The following BEND2 variants were observed in gnomAD, a reference collection of about 807,000 sequenced individuals.
BEND2 encodes BEN domain-containing protein 2.
In BEND2, 19 loss-of-function variants were observed where a neutral mutation model predicts 43.8. That is an observed-to-expected ratio of 0.43 (90% confidence interval 0.30 to 0.64). The LOEUF is 0.64. Ranked by LOEUF, BEND2 falls within the 30% of genes least tolerant of loss-of-function variation. The pLI is 0.11. For missense variants in BEND2, 544 were observed against 574.0 expected, an observed-to-expected ratio of 0.95 and a Z score of 0.53; for synonymous variants, 226 against 210.1, an observed-to-expected ratio of 1.08 and a Z score of -0.66.
intron 8 of BEND2, among the ~76,000 whole-genome samples, chrX:18,182,776 T>C (rs779007029): frequency 9.0e-6 from 1 of 111,087 alleles, no homozygotes; most frequent in Non-Finnish European, 1.9e-5. Flanking sequence ...ACGGGGGGCT[T>C]ATGCCTGTAA....
Position 18,180,590 on chromosome X carries a change from G to C in BEND2, c.1349C>G (p.Thr450Arg), listed in dbSNP as rs773956794. The C allele has an allele frequency of 8.3e-7, 1 of 1,210,950 alleles. No homozygotes were observed. The highest frequency in any genetic ancestry group is 2.2e-5 in the Admixed American group (1 of 46,011). ...GTCCAATAAAGTTGAGCGATTCATT[G>C]TGTTGACGCTGTTTTCCGTGTTGGT... ...VDTNTENSVN[T>R]MNRSTLLDSD... The change falls in exon 9 of 14, where the codon ACA becomes AGA. Residue 450 changes from threonine to arginine, a missense_variant. By Grantham distance (71) the Thr-to-Arg change is moderately conservative. This residue lies in a region of BEND2 where 501 missense variants were observed against 501.6 expected (regional missense o/e 1.00). Transcript: ENST00000380033.
intron 4 of BEND2, among the ~76,000 whole-genome samples, chrX:18,204,324 C>T (rs1453867307): frequency 1.8e-5 from 2 of 111,964 alleles, no homozygotes; most frequent in African/African-American, 6.5e-5. Context: ...AAAAGCCTTG[C>T]TAATCTCAGA....
chrX:18,166,383 C>T (rs1352674831), intron 13 of BEND2, among the ~76,000 whole-genome samples: 1 of 111,707 alleles, frequency 9.0e-6, no homozygotes, highest in African/African-American at 3.3e-5. Flanking sequence ...ATGGGAAATG[C>T]TACCCTCCGC....
At chrX:18,203,286 A>G (rs975776241) in intron 5 of BEND2, among the ~76,000 whole-genome samples, 1 of 111,697 alleles carries the variant, frequency 9.0e-6, no homozygotes, top group Non-Finnish European at 1.9e-5. Context: ...AGACACACAA[A>G]TGAATACAAA....
intron 6 of BEND2, among the ~76,000 whole-genome samples, chrX:18,197,203 G>T (rs1924982754): frequency 8.9e-6 from 1 of 112,080 alleles, no homozygotes; most frequent in Non-Finnish European, 1.9e-5. Context: ...GGGAGGCCAA[G>T]GAGGGTAGAT....
chrX:18,220,346 A>G (rs1759416220), intron 1 of BEND2, among the ~76,000 whole-genome samples: 1 of 112,429 alleles, frequency 8.9e-6, no homozygotes, highest in African/African-American at 3.2e-5. Context: ...GAGGCTCCGG[A>G]AAGAACCGCG....
chrX:18,203,421 C>G lies in BEND2; in HGVS notation c.907+80G>C, dbSNP rs1400371885. ...ATAAAACTTTTAATTTAAAAAATAA[C>G]TAACACTAATTTGCATGAAGGGTGT... On this transcript the variant is annotated intron_variant, in intron 5 of 13. Transcript: ENST00000380033. 4.0e-6 allele frequency: 4 copies of G among 1,010,949 alleles called. No homozygotes were observed. In the African/African-American group the frequency reaches 5.8e-5, roughly 15 times the overall value. The allele number at this position is 1,010,949 out of a possible 1,213,427, so 83.3% of individuals were successfully genotyped here. A position where few individuals can be genotyped will look rare whatever the true frequency, so the allele number is the denominator to read the frequency against.
intron 2 of BEND2, among the ~76,000 whole-genome samples, chrX:18,214,595 G>A (rs1602055574): frequency 9.1e-6 from 1 of 109,667 alleles, no homozygotes; most frequent in African/African-American, 3.3e-5. Flanking sequence ...GGGCTGAGGC[G>A]GGCGGATCAC....
chrX:18,207,584 T>TG lies in BEND2; in HGVS notation c.493-3670dup, dbSNP rs1310981025. ...ATTTGATCAGTTATGGGCTTTTTTG[T>TG]GAAAAAAAAAGGGGCTATAGAAATT... On this transcript the variant is annotated intron_variant, in intron 4 of 13. Coordinates refer to ENST00000380033, the MANE Select transcript of BEND2 (RefSeq NM_153346.5). Among the ~76,000 whole-genome samples, 13 of 111,549 alleles carry TG rather than the reference T, an allele frequency of 1.2e-4. 1 individual carries two copies. Among genetic ancestry groups the TG allele is most frequent in the East Asian group, 1.1e-3 (4 of 3,570 alleles).
chrX:18,217,186 ATGT>A (rs942989234), intron 1 of BEND2, among the ~76,000 whole-genome samples: 1 of 112,994 alleles, frequency 8.9e-6, no homozygotes, highest in Non-Finnish European at 1.9e-5. Context: ...GCAAAAGTAA[ATGT>A]TGTTATGAAA....
In BEND2 at chrX:18,203,714, T is replaced by A; in HGVS notation, c.694A>T (p.Met232Leu). 1 of 1,211,081 alleles carries A rather than the reference T, an allele frequency of 8.3e-7. No individual in the cohort carries two copies. Among genetic ancestry groups the A allele is most frequent in the Non-Finnish European group, 1.1e-6 (1 of 894,653 alleles). The change falls in exon 5 of 14, where the codon ATG (methionine) becomes TTG (leucine). Residue 232 changes from methionine (M) to leucine (L), a missense_variant. Physicochemically the swap from Met to Leu is conservative, Grantham distance 15. This residue lies in a region of BEND2 where 501 missense variants were observed against 501.6 expected (regional missense o/e 1.00). Coordinates refer to ENST00000380033, the MANE Select transcript of BEND2 (RefSeq NM_153346.5). ...CCTCCACTGATAAAGTTCCATGGCATACCGAAACAAGGAAATGAGCCACCT... is the reference window on the plus strand; with the variant it reads ...CCTCCACTGATAAAGTTCCATGGCAAACCGAAACAAGGAAATGAGCCACCT... ...AQGGSFPCFG[M>L]PWNFISGGAE... is the part of the protein sequence containing the mutation.
chrX:18,174,558 A>G (rs2147391814), intron 11 of BEND2, among the ~76,000 whole-genome samples: 1 of 111,945 alleles, frequency 8.9e-6, no homozygotes, highest in Admixed American at 9.5e-5. Flanking sequence ...CAAATAAACA[A>G]AGCAGTGAGT....
At chrX:18,190,479 G>A (rs1924728842) in intron 8 of BEND2, among the ~76,000 whole-genome samples, 1 of 111,157 alleles carries the variant, frequency 9.0e-6, no homozygotes. Flanking sequence ...AAGGTTAAAT[G>A]GTATATCAGT....
At chrX:18,207,943 C>A (rs1007030496) in intron 4 of BEND2, among the ~76,000 whole-genome samples, 4 of 108,494 alleles carry the variant, frequency 3.7e-5, no homozygotes, top group African/African-American at 1.3e-4. Context: ...CGCTTAAGCC[C>A]GGGAGGCAGA....
At chrX:18,178,312 T>C (rs1394231185) in intron 9 of BEND2, among the ~76,000 whole-genome samples, 2 of 111,677 alleles carry the variant, frequency 1.8e-5, no homozygotes, top group African/African-American at 6.5e-5. Flanking sequence ...TTCATCATTC[T>C]AACAACTCTA....
intron 2 of BEND2, among the ~76,000 whole-genome samples, chrX:18,215,986 C>T (rs1436380401): frequency 8.9e-6 from 1 of 112,028 alleles, no homozygotes; most frequent in Non-Finnish European, 1.9e-5. Context: ...CTCCACTTTC[C>T]ATGGGGTCTT....
At chrX:18,169,450 G>T (rs1003821782) in intron 13 of BEND2, among the ~76,000 whole-genome samples, 35 of 111,626 alleles carry the variant, frequency 3.1e-4, no homozygotes, top group African/African-American at 1.1e-3. Context: ...ATACATTTCT[G>T]TATGTTTGAA....
intron 1 of BEND2, among the ~76,000 whole-genome samples, chrX:18,218,877 C>G (rs745715815): frequency 3.7e-4 from 42 of 112,144 alleles, no homozygotes; most frequent in African/African-American, 1.4e-3. Context: ...CAAAACAAAA[C>G]AAACAAACAA....
Position 18,203,852 on chromosome X carries a change from C to T in BEND2, c.556G>A (p.Val186Ile), listed in dbSNP as rs747143239. Residue 186 changes from valine (V) to isoleucine (I), a missense_variant, in exon 5 of 14, where the codon GTA becomes ATA. Physicochemically the swap from Val to Ile is conservative, Grantham distance 29. Around this residue, in one of 2 missense-constraint regions of BEND2, gnomAD observed 501 missense variants for 501.6 expected, o/e 1.00. Coordinates refer to ENST00000380033, the MANE Select transcript of BEND2 (RefSeq NM_153346.5). Reference protein sequence around the residue: ...QETHAWASPAVTSLESAACHE... With the variant: ...QETHAWASPAITSLESAACHE... ...CATGCTGCTGACTCAAGAGATGTTA[C>T]AGCAGGGCTGGCCCAGGCATGGGTT... 8.3e-6 allele frequency: 10 copies of T among 1,209,922 alleles called. No individual in the cohort carries two copies. Among genetic ancestry groups the T allele is most frequent in the Non-Finnish European group, 1.1e-5 (10 of 893,767 alleles).
Sources: gnomAD v4.1 joint callset for allele counts (sites outside exome capture counted in the v4.1 genomes callset) on GRCh38, gnomAD v4.1.1 for gene constraint, gnomAD v4.1.1 regional missense constraint, MANE v1.5 for transcripts, NCBI Gene and HGNC (gene_info 2026-07-23, HGNC 2026-07-21) for gene names.